The following SKA2 variants were observed in gnomAD, a reference collection of about 807,000 sequenced individuals.
The protein encoded by SKA2 is spindle and kinetochore-associated protein 2.
SKA2 carries 13 observed loss-of-function variants against 16.9 expected under a neutral mutation model. That is an observed-to-expected ratio of 0.77 (90% confidence interval 0.50 to 1.22). The LOEUF (loss-of-function observed/expected upper bound fraction) is 1.22. Among genes scored for constraint, SKA2 ranks in the 50% most tolerant of loss-of-function variants. SKA2 has a pLI of 0.00. For synonymous variants in SKA2, 47 were observed against 48.5 expected (o/e 0.97, Z 0.13); for missense variants, 107 against 139.7 (o/e 0.77, Z 1.18).
chr17:59,149,281 G>C (rs1302691054), intron 1 of SKA2, among the ~76,000 whole-genome samples: 2 of 152,142 alleles, frequency 1.3e-5, no homozygotes, highest in African/African-American at 4.8e-5. Context: ...ACTGAAGTGG[G>C]AAGATCATTT....
intron 1 of SKA2, chr17:59,151,112 A>C (rs746391575): frequency 2.0e-6 from 1 of 490,830 alleles, no homozygotes. Flanking sequence ...GATGTAAGGT[A>C]AGAATCAAAA....
chr17:59,141,939 T>C (rs9303403), intron 1 of SKA2, among the ~76,000 whole-genome samples: 65,915 of 151,752 alleles, frequency 0.43, 16,476 homozygotes, highest in African/African-American at 0.7. Flanking sequence ...GTGTCTCTCA[T>C]CCTCTTTGAA....
At chr17:59,140,000 T>C (rs1460561856) in intron 1 of SKA2, among the ~76,000 whole-genome samples, 1 of 152,214 alleles carries the variant, frequency 6.6e-6, no homozygotes, top group Non-Finnish European at 1.5e-5. Flanking sequence ...GGACCACTTA[T>C]ATCATGTCTC....
chr17:59,128,525 T>C (rs573853599), intron 2 of SKA2, among the ~76,000 whole-genome samples: 2 of 150,910 alleles, frequency 1.3e-5, no homozygotes, highest in East Asian at 3.9e-4. Flanking sequence ...ACTCAGGAAG[T>C]TGAGGCAGGA....
chr17:59,133,892 T>C (rs578101078), intron 1 of SKA2, among the ~76,000 whole-genome samples: 1 of 152,336 alleles, frequency 6.6e-6, no homozygotes, highest in African/African-American at 2.4e-5. Flanking sequence ...CAATATCTTA[T>C]TTCCATCTCT....
At chr17:59,119,244 A>T in intron 3 of SKA2, 75 bp downstream of exon 3, 1 of 1,501,362 alleles carries the variant, frequency 6.7e-7, no homozygotes, top group Non-Finnish European at 9.0e-7. Context: ...AATTTAAGTT[A>T]CATCAGGTTT....
intron 2 of SKA2, among the ~76,000 whole-genome samples, chr17:59,129,020 A>G (rs953217568): frequency 6.6e-6 from 1 of 152,206 alleles, no homozygotes; most frequent in African/African-American, 2.4e-5. Context: ...AAATGGGAGC[A>G]CTACACGTCA....
intron 2 of SKA2, among the ~76,000 whole-genome samples, chr17:59,129,748 G>A (rs1259455816): frequency 2.0e-5 from 3 of 151,582 alleles, no homozygotes; most frequent in African/African-American, 7.3e-5. Context: ...CCAGCTACTC[G>A]GGAGGCTGAG....
intron 2 of SKA2, among the ~76,000 whole-genome samples, chr17:59,121,879 G>A (rs942823254): frequency 6.6e-6 from 1 of 151,294 alleles, no homozygotes; most frequent in African/African-American, 2.4e-5. Flanking sequence ...GGCTGAGGTG[G>A]GAGAATTGCT....
At chr17:59,132,371 T>TA (rs1568306515) in intron 1 of SKA2, among the ~76,000 whole-genome samples, 1 of 135,410 alleles carries the variant, frequency 7.4e-6, no homozygotes, top group Admixed American at 7.3e-5. Flanking sequence ...AAAAAAAAAA[T>TA]AAGTATTTGG....
chr17:59,115,250 G>T (rs2046288789), intron 3 of SKA2, among the ~76,000 whole-genome samples: 1 of 151,754 alleles, frequency 6.6e-6, no homozygotes, highest in South Asian at 2.1e-4. Flanking sequence ...AGAGACGGGG[G>T]TTTCACCGTG....
intron 2 of SKA2, among the ~76,000 whole-genome samples, chr17:59,125,859 A>T (rs2046368768): frequency 6.6e-6 from 1 of 152,084 alleles, no homozygotes; most frequent in Admixed American, 6.6e-5. Flanking sequence ...ATCTATAGGG[A>T]AAATGTTCAT....
At position 59,129,128 on chromosome 17, in the gene SKA2, C is replaced by T. The variant is rs570034283; in HGVS notation, c.120+2153G>A. ...CTTTGGGAGGCCAAGGCAGGTAGATCGCTTGAGTCCAGGAGTTCAAAACCA... is the reference window on the plus strand; with the variant it reads ...CTTTGGGAGGCCAAGGCAGGTAGATTGCTTGAGTCCAGGAGTTCAAAACCA... On this transcript the variant is annotated intron_variant, in intron 2 of 3. Transcript: ENST00000330137. 2.1e-4 allele frequency: 32 copies of T among 152,536 alleles called. 1 individual carries two copies. The highest frequency in any genetic ancestry group is 7.2e-4 in the African/African-American group (30 of 41,542). The allele number at this position is 152,536 out of a possible 1,614,324, so 9.4% of individuals were successfully genotyped here.
intron 1 of SKA2, among the ~76,000 whole-genome samples, chr17:59,137,244 C>T (rs1029893024): frequency 2.0e-5 from 3 of 152,150 alleles, no homozygotes; most frequent in African/African-American, 7.2e-5. Flanking sequence ...ACTTGAACTC[C>T]TGAGCTCAAA....
chr17:59,140,725 C>A (rs1315697044), intron 1 of SKA2, among the ~76,000 whole-genome samples: 1 of 151,540 alleles, frequency 6.6e-6, no homozygotes, highest in Non-Finnish European at 1.5e-5. Flanking sequence ...ATTCTCCTGC[C>A]TCAGCCTCCC....
chr17:59,112,796 CT>C (rs1305909677), intron 3 of SKA2, among the ~76,000 whole-genome samples: 3 of 152,068 alleles, frequency 2.0e-5, no homozygotes, highest in Non-Finnish European at 4.4e-5. Flanking sequence ...ACTTATATAC[CT>C]AATACAATGT....
At position 59,119,212 on chromosome 17, in the gene SKA2, C is replaced by A; in HGVS notation, c.297+107G>T. 4 of 1,249,800 alleles carry A rather than the reference C, an allele frequency of 3.2e-6. No individual in the cohort carries two copies. The South Asian group carries it at 4.7e-5, about 15-fold the overall frequency. The allele number at this position is 1,249,800 out of a possible 1,614,324, so 77.4% of individuals were successfully genotyped here. On this transcript the variant is annotated intron_variant, in intron 3 of 3. Coordinates refer to ENST00000330137, the MANE Select transcript of SKA2 (RefSeq NM_182620.4). ...GTATCAGGAAAATCTTTCAATAGTT[C>A]AAACTGACTGCTGAGTTTCAAAATT... is the stretch of plus-strand genomic sequence containing the variant.
chr17:59,145,487 T>G (rs2046525293), intron 1 of SKA2, among the ~76,000 whole-genome samples: 1 of 152,150 alleles, frequency 6.6e-6, no homozygotes, highest in Admixed American at 6.6e-5. Flanking sequence ...TCTCAGATTA[T>G]ATCTCACCTC....
intron 2 of SKA2, among the ~76,000 whole-genome samples, chr17:59,123,241 CT>C (rs138522640): frequency 0.89 from 88,195 of 99,152 alleles, 39,172 homozygotes; most frequent in Middle Eastern, 0.92. Flanking sequence ...GTACAAAATT[CT>C]TTTTTTTTTT....
Sources: allele counts gnomAD v4.1 joint callset (sites outside exome capture counted in the v4.1 genomes callset), GRCh38; gene constraint gnomAD v4.1.1; transcripts MANE v1.5; gene names NCBI Gene and HGNC (gene_info 2026-07-23, HGNC 2026-07-21).